Variants in ARB2A observed in about 807,000 individuals in gnomAD.
The protein encoded by ARB2A is cotranscriptional regulator ARB2A.
the ARB2A span, among the ~76,000 whole-genome samples, chr5:93,895,512 AT>A: frequency 1.3e-5 from 2 of 152,182 alleles, no homozygotes; most frequent in African/African-American, 4.8e-5. Context: ...AAGGCATAAC[AT>A]TTGTTTTAAT....
the ARB2A span, among the ~76,000 whole-genome samples, chr5:93,806,642 C>T: frequency 6.6e-6 from 1 of 151,856 alleles, no homozygotes; most frequent in Non-Finnish European, 1.5e-5. Context: ...ATTTAATTCG[C>T]TCCAGAGTTT....
chr5:93,932,116 T>TG, the ARB2A span, among the ~76,000 whole-genome samples: 2 of 152,196 alleles, frequency 1.3e-5, no homozygotes, highest in African/African-American at 4.8e-5. Context: ...TTGAGATAGT[T>TG]GGAGTTTTTA....
At chr5:93,780,020 C>G in the ARB2A span, among the ~76,000 whole-genome samples, 1 of 152,126 alleles carries the variant, frequency 6.6e-6, no homozygotes, top group African/African-American at 2.4e-5. Flanking sequence ...AAGAGAAAAG[C>G]AGGTAGTAGC....
chr5:93,866,284 A>T, the ARB2A span: 8 of 982,266 alleles, frequency 8.1e-6, no homozygotes, highest in South Asian at 3.3e-4. Context: ...CACAATTCAG[A>T]TATAATGCAC....
the ARB2A span, among the ~76,000 whole-genome samples, chr5:93,624,955 G>T: frequency 6.6e-6 from 1 of 152,090 alleles, no homozygotes; most frequent in South Asian, 2.1e-4. Context: ...CGTGTAAATC[G>T]AAAGGGTCAT....
chr5:93,726,657 G>A, the ARB2A span, among the ~76,000 whole-genome samples: 8 of 151,996 alleles, frequency 5.3e-5, no homozygotes, highest in Non-Finnish European at 8.8e-5. Flanking sequence ...CAGTTTACAT[G>A]AATCAATACT....
the ARB2A span, among the ~76,000 whole-genome samples, chr5:93,992,948 G>C: frequency 6.6e-6 from 1 of 151,620 alleles, no homozygotes; most frequent in African/African-American, 2.4e-5. Context: ...GACCTAACAG[G>C]AAAAAAATGG....
At chr5:93,632,614 G>A in the ARB2A span, among the ~76,000 whole-genome samples, 1 of 152,176 alleles carries the variant, frequency 6.6e-6, no homozygotes, top group Non-Finnish European at 1.5e-5. Context: ...ACACTGGCTG[G>A]TATGTAGAGA....
At chr5:93,844,322 T>C in the ARB2A span, among the ~76,000 whole-genome samples, 1 of 151,928 alleles carries the variant, frequency 6.6e-6, no homozygotes, top group East Asian at 1.9e-4. Flanking sequence ...TGCATGCCTG[T>C]AGTTTCAGCT....
At chr5:94,015,866 TAA>T in the ARB2A span, among the ~76,000 whole-genome samples, 1 of 151,838 alleles carries the variant, frequency 6.6e-6, no homozygotes, top group Non-Finnish European at 1.5e-5. Context: ...TGAAAGACAC[TAA>T]GTAAAGAAAA....
At chr5:93,758,410 T>C in the ARB2A span, among the ~76,000 whole-genome samples, 1 of 152,176 alleles carries the variant, frequency 6.6e-6, no homozygotes, top group African/African-American at 2.4e-5. Context: ...ATCAGATATA[T>C]ACGGAACATT....
At chr5:94,071,576 A>G in the ARB2A span, among the ~76,000 whole-genome samples, 2 of 152,152 alleles carry the variant, frequency 1.3e-5, no homozygotes, top group African/African-American at 4.8e-5. Context: ...AAATGGACAA[A>G]AAATACGAAT....
the ARB2A span, among the ~76,000 whole-genome samples, chr5:93,789,083 T>C: frequency 6.6e-6 from 1 of 152,284 alleles, no homozygotes; most frequent in African/African-American, 2.4e-5. Context: ...ATAGCTATGT[T>C]TGGATATATC....
At chr5:93,648,508 C>T in the ARB2A span, among the ~76,000 whole-genome samples, 2 of 152,138 alleles carry the variant, frequency 1.3e-5, no homozygotes, top group African/African-American at 2.4e-5. Flanking sequence ...GGAGGGTTAA[C>T]TGTAGTAAAA....
chr5:93,976,225 T>C, the ARB2A span, among the ~76,000 whole-genome samples: 5 of 152,168 alleles, frequency 3.3e-5, no homozygotes, highest in Non-Finnish European at 5.9e-5. Context: ...ACATCCTTCA[T>C]GATAAAAACC....
chr5:93,720,392 T>C, the ARB2A span, among the ~76,000 whole-genome samples: 1 of 152,316 alleles, frequency 6.6e-6, no homozygotes, highest in South Asian at 2.1e-4. Context: ...ATAATGTCTA[T>C]TTAGAACCTA....
At chr5:93,720,177 T>C in the ARB2A span, among the ~76,000 whole-genome samples, 1 of 152,228 alleles carries the variant, frequency 6.6e-6, no homozygotes, top group Admixed American at 6.5e-5. Flanking sequence ...TTGAAGTAGA[T>C]ATTAAAGACG....
chr5:93,766,383 T>C, the ARB2A span, among the ~76,000 whole-genome samples: 1 of 152,228 alleles, frequency 6.6e-6, no homozygotes, highest in South Asian at 2.1e-4. Flanking sequence ...GTGAAGGATA[T>C]GAACAGGAAC....
At chr5:93,764,994 AC>A in the ARB2A span, among the ~76,000 whole-genome samples, 1 of 152,160 alleles carries the variant, frequency 6.6e-6, no homozygotes, top group East Asian at 1.9e-4. Flanking sequence ...AAATTCAACA[AC>A]CCTTCATGCT....
Sources: gnomAD v4.1 joint callset for allele counts (sites outside exome capture counted in the v4.1 genomes callset) on GRCh38, gnomAD v4.1.1 for gene constraint, MANE v1.5 for transcripts, NCBI Gene and HGNC (gene_info 2026-07-23, HGNC 2026-07-21) for gene names.